Variants in BCKDHA observed in about 807,000 individuals in gnomAD.
BCKDHA encodes branched chain keto acid dehydrogenase E1 subunit alpha, also known as 2-oxoisovalerate dehydrogenase subunit alpha, mitochondrial.
Under a neutral mutation model 52.2 loss-of-function variants are expected in BCKDHA, and 43 were observed. That is an observed-to-expected ratio of 0.82 (90% CI 0.64 to 1.06). The LOEUF is 1.06. Among genes scored for constraint, BCKDHA ranks in the 50% least tolerant of loss-of-function variants. The pLI, the probability that BCKDHA is intolerant of heterozygous loss-of-function variation, is 0.00. For synonymous variants in BCKDHA, 234 were observed against 247.9 expected (o/e 0.94, Z 0.53); for missense variants, 527 against 621.3 (o/e 0.85, Z 1.61).
At chr19:41,409,782 T>C (rs1192604438) in intron 1 of BCKDHA, among the ~76,000 whole-genome samples, 1 of 150,952 alleles carries the variant, frequency 6.6e-6, no homozygotes, top group African/African-American at 2.4e-5. Context: ...TACTTTGCCA[T>C]ATCACCCTCT....
chr19:41,398,768 A>T (rs1331396447), intron 1 of BCKDHA, among the ~76,000 whole-genome samples: 1 of 152,216 alleles, frequency 6.6e-6, no homozygotes, highest in Non-Finnish European at 1.5e-5. Context: ...GTTGACAGAT[A>T]GGAGAGTAGT....
intron 5 of BCKDHA, among the ~76,000 whole-genome samples, chr19:41,420,759 C>T (rs1199181600): frequency 1.3e-5 from 2 of 152,204 alleles, no homozygotes; most frequent in South Asian, 4.1e-4. Context: ...AGTAAGCTTC[C>T]CCAAAGCTTA....
At chr19:41,418,392 G>A (rs918165062) in intron 4 of BCKDHA, among the ~76,000 whole-genome samples, 2 of 152,260 alleles carry the variant, frequency 1.3e-5, no homozygotes, top group East Asian at 3.9e-4. Context: ...AACCTGGAGC[G>A]GTTCCCTTTG....
At chr19:41,407,304 C>G (rs1164753957) in intron 1 of BCKDHA, among the ~76,000 whole-genome samples, 1 of 152,158 alleles carries the variant, frequency 6.6e-6, no homozygotes, top group Non-Finnish European at 1.5e-5. Flanking sequence ...GAGAGCCACA[C>G]AATGAGCTAA....
intron 3 of BCKDHA, 79 bp downstream of exon 3, chr19:41,411,088 T>C: frequency 6.8e-7 from 1 of 1,468,870 alleles, no homozygotes; most frequent in South Asian, 1.1e-5. Flanking sequence ...AAGGAATGGC[T>C]CCCAAGGAGG....
At chr19:41,422,907 ACTC>A (rs1423769312) in intron 7 of BCKDHA, 88 bp from the exon 8 acceptor site, 1 of 1,565,664 alleles carries the variant, frequency 6.4e-7, no homozygotes, top group Non-Finnish European at 8.7e-7. Context: ...TTCCGTTTCC[ACTC>A]CTCCTTCCCT....
chr19:41,404,967 A>G (rs1270928044), intron 1 of BCKDHA, among the ~76,000 whole-genome samples: 3 of 152,122 alleles, frequency 2.0e-5, no homozygotes, highest in African/African-American at 7.2e-5. Flanking sequence ...TTTTTAGGCT[A>G]GTCAGGTGAA....
At chr19:41,412,920 T>G (rs943367165) in intron 3 of BCKDHA, among the ~76,000 whole-genome samples, 1 of 152,148 alleles carries the variant, frequency 6.6e-6, no homozygotes, top group African/African-American at 2.4e-5. Context: ...GCCAGGCTAG[T>G]CTGGAACTCC....
At chr19:41,406,720 C>T (rs1244748133) in intron 1 of BCKDHA, among the ~76,000 whole-genome samples, 1 of 152,182 alleles carries the variant, frequency 6.6e-6, no homozygotes, top group Non-Finnish European at 1.5e-5. Flanking sequence ...CAGGCACCTA[C>T]CATCATGCAC....
At chr19:41,424,213 T>C (rs1381390980) in intron 8 of BCKDHA, among the ~76,000 whole-genome samples, 1 of 152,188 alleles carries the variant, frequency 6.6e-6, no homozygotes, top group African/African-American at 2.4e-5. Context: ...TGTCTACCTC[T>C]TAGGGCTGCT....
intron 1 of BCKDHA, among the ~76,000 whole-genome samples, chr19:41,404,751 G>T (rs556505381): frequency 2.0e-5 from 3 of 152,070 alleles, no homozygotes; most frequent in African/African-American, 7.2e-5. Context: ...GTGCCACCAC[G>T]CCTGGCTAAT....
intron 1 of BCKDHA, among the ~76,000 whole-genome samples, chr19:41,406,315 TC>T (rs2039192304): frequency 6.6e-6 from 1 of 152,208 alleles, no homozygotes; most frequent in Non-Finnish European, 1.5e-5. Flanking sequence ...TCTGAAGACT[TC>T]AGCCTTCGGT....
intron 1 of BCKDHA, among the ~76,000 whole-genome samples, chr19:41,403,594 C>T (rs1405777510): frequency 3.3e-5 from 5 of 152,222 alleles, no homozygotes; most frequent in African/African-American, 1.2e-4. Flanking sequence ...CTGAAGTGTT[C>T]TGACCCCTTG....
At chr19:41,403,418 G>C (rs1039794161) in intron 1 of BCKDHA, among the ~76,000 whole-genome samples, 8 of 152,186 alleles carry the variant, frequency 5.3e-5, no homozygotes, top group African/African-American at 1.9e-4. Flanking sequence ...GCCCCGTCTG[G>C]ATGCCTTATG....
intron 1 of BCKDHA, among the ~76,000 whole-genome samples, chr19:41,409,982 G>A (rs1712827992): frequency 1.3e-5 from 2 of 152,008 alleles, no homozygotes; most frequent in Non-Finnish European, 2.9e-5. Context: ...TCTATTTTTA[G>A]TGGGTACAGG....
chr19:41,419,123 C>T lies in BCKDHA; in HGVS notation c.485-12C>T. 1 of 1,614,088 alleles carries T rather than the reference C, an allele frequency of 6.2e-7. No homozygotes were observed. Among genetic ancestry groups the T allele is most frequent in the South Asian group, 1.1e-5 (1 of 91,078 alleles). On this transcript the variant is annotated splice_polypyrimidine_tract_variant and intron_variant, in intron 4 of 8. Transcript: ENST00000269980. ...TGCCCACTCGGCTAACCATTGCCTC[C>T]TCCCCTCCTAGGTGTGCTGATGTAT...
At chr19:41,422,471 G>T (rs543299577) in intron 6 of BCKDHA, 101 bp downstream of exon 6, 13 of 1,571,042 alleles carry the variant, frequency 8.3e-6, no homozygotes, top group Middle Eastern at 3.8e-4. Context: ...CCTGGTTCTC[G>T]TCCTGTGTCC....
intron 1 of BCKDHA, among the ~76,000 whole-genome samples, chr19:41,401,583 G>A (rs1424418812): frequency 2.0e-5 from 3 of 152,128 alleles, no homozygotes; most frequent in Admixed American, 6.5e-5. Flanking sequence ...AGATGTGTTT[G>A]CCTGATTTTC....
rs771451474 is a variant in BCKDHA, at chr19:41,422,086, C to T, written c.647-78C>T. ...CTGCTGGCCTGAGCCACGCTTGAGC[C>T]GTGGGTCATGTGAGTGTGAATGAGT... On this transcript the variant is annotated intron_variant, in intron 5 of 8. Coordinates refer to ENST00000269980, the MANE Select transcript of BCKDHA (RefSeq NM_000709.4). 98 of 1,419,630 alleles carry T rather than the reference C, an allele frequency of 6.9e-5. 1 individual carries two copies. The highest frequency in any genetic ancestry group is 9.0e-5 in the Non-Finnish European group (93 of 1,028,346). The allele number at this position is 1,419,630 out of a possible 1,614,324, so 87.9% of individuals were successfully genotyped here.
Sources: allele counts gnomAD v4.1 joint callset (sites outside exome capture counted in the v4.1 genomes callset), GRCh38; gene constraint gnomAD v4.1.1; transcripts MANE v1.5; gene names NCBI Gene and HGNC (gene_info 2026-07-23, HGNC 2026-07-21).